The following MSH3 variants were observed in gnomAD, a reference collection of about 807,000 sequenced individuals.
MSH3 encodes DNA mismatch repair protein Msh3.
MSH3 carries 106 observed loss-of-function variants against 123.3 expected under a neutral mutation model. The observed-to-expected ratio is 0.86, with a 90% CI of 0.73 to 1.01. MSH3 has a LOEUF of 1.01. Ranked by LOEUF, MSH3 falls within the 50% of genes least tolerant of loss-of-function variation. The pLI is 0.00. For synonymous variants in MSH3, 515 were observed against 481.4 expected, an observed-to-expected ratio of 1.07 and a Z score of -0.91; for missense variants, 1,459 against 1,347.6, an observed-to-expected ratio of 1.08 and a Z score of -1.29.
Position 80,744,605 on chromosome 5 carries a change from CTTAAA to C in MSH3, c.1758_1762del (p.Leu587GlyfsTer7), listed in dbSNP as rs776738086. The C allele has an allele frequency of 6.2e-7, 1 of 1,610,562 alleles. No homozygotes were observed. Among genetic ancestry groups the C allele is most frequent in the Non-Finnish European group, 8.5e-7 (1 of 1,177,274 alleles). On this transcript the variant is annotated frameshift_variant, in exon 12 of 24. Coordinates refer to ENST00000265081, the MANE Select transcript of MSH3 (RefSeq NM_002439.5). LOFTEE classifies it high-confidence loss of function. Reference sequence around the variant, plus strand: ...AAAGAAGTGGGTGACCCAGCCACTCCTTAAATTAAGGTAAAAGGAATTCTTTTTGG... The same window carrying C: ...AAAGAAGTGGGTGACCCAGCCACTCCTTAAGGTAAAAGGAATTCTTTTTGG...
In MSH3 at chr5:80,725,535, T is replaced by C. The variant is rs752802297; in HGVS notation, c.1423T>C (p.Phe475Leu). The C allele has an allele frequency of 6.2e-7, 1 of 1,613,700 alleles. No individual in the cohort carries two copies. Among genetic ancestry groups the C allele is most frequent in the South Asian group, 1.1e-5 (1 of 91,072 alleles). ...YSHAFQAVTE[F>L]YAKDTVDIKG... Reference sequence around the variant, plus strand: ...CCATGCTTTCCAGGCAGTTACAGAGTTTTATGCAAAAGATACAGTTGACAT... The same window carrying C: ...CCATGCTTTCCAGGCAGTTACAGAGCTTTATGCAAAAGATACAGTTGACAT... The change falls in exon 9 of 24, where the codon TTT (phenylalanine) becomes CTT (leucine). Residue 475 changes from phenylalanine to leucine, a missense_variant. Transcript: ENST00000265081.
intron 7 of MSH3, 67 bp downstream of exon 7, chr5:80,675,195 G>T (rs55976728): frequency 4.8e-5 from 73 of 1,519,672 alleles, no homozygotes; most frequent in South Asian, 4.6e-4. Flanking sequence ...GATCTATCAT[G>T]TATGGTTTAT....
chr5:80,658,035 C>CTTTTTTTTTTTTTT (rs1554066333), intron 2 of MSH3, among the ~76,000 whole-genome samples: 1 of 87,218 alleles, frequency 1.1e-5, no homozygotes, highest in Non-Finnish European at 2.2e-5. Context: ...GCTTTTTGCC[C>CTTTTTTTTTTTTTT]TCTTTTTTTT....
At chr5:80,673,989 T>C (rs1051486937) in intron 6 of MSH3, among the ~76,000 whole-genome samples, 1 of 152,226 alleles carries the variant, frequency 6.6e-6, no homozygotes, top group African/African-American at 2.4e-5. Context: ...TGCTTATTTC[T>C]CAGCTCATCT....
At chr5:80,668,898 C>T (rs373444888) in intron 3 of MSH3, among the ~76,000 whole-genome samples, 5 of 152,164 alleles carry the variant, frequency 3.3e-5, no homozygotes, top group South Asian at 4.1e-4. Context: ...CAGAAGGGGG[C>T]GAGGCTTCTT....
chr5:80,834,173 A>G (rs1290454788), intron 20 of MSH3, among the ~76,000 whole-genome samples: 1 of 152,130 alleles, frequency 6.6e-6, no homozygotes, highest in Non-Finnish European at 1.5e-5. Flanking sequence ...TAGAATTGTA[A>G]TAGAAAATGT....
chr5:80,854,988 A>G (rs191084655), intron 21 of MSH3, among the ~76,000 whole-genome samples: 73 of 152,008 alleles, frequency 4.8e-4, no homozygotes, highest in African/African-American at 1.7e-3. Flanking sequence ...TCACTGTGAG[A>G]TCTTTGATCT....
At chr5:80,728,568 G>A (rs1743344643) in intron 9 of MSH3, among the ~76,000 whole-genome samples, 2 of 152,008 alleles carry the variant, frequency 1.3e-5, no homozygotes, top group Admixed American at 1.3e-4. Context: ...AAGGGGATGG[G>A]CATTTTACAT....
chr5:80,680,950 G>A (rs577088289), intron 8 of MSH3, among the ~76,000 whole-genome samples: 1 of 152,180 alleles, frequency 6.6e-6, no homozygotes, highest in South Asian at 2.1e-4. Context: ...AAATACTCAT[G>A]TGCGTTTCTG....
chr5:80,808,873 A>AGATATATATATAGATATATATATATC (rs1744952217), intron 19 of MSH3, among the ~76,000 whole-genome samples: 1 of 137,044 alleles, frequency 7.3e-6, no homozygotes, highest in East Asian at 2.2e-4. Context: ...ATATATATAT[A>AGATATATATATAGATATATATATATC]TATATATATA....
intron 8 of MSH3, among the ~76,000 whole-genome samples, chr5:80,701,752 T>C (rs1750615264): frequency 6.6e-6 from 1 of 152,224 alleles, no homozygotes. Context: ...GACTTCTTCC[T>C]GTCGAACCTC....
intron 20 of MSH3, among the ~76,000 whole-genome samples, chr5:80,848,840 A>G (rs566174730): frequency 6.6e-6 from 1 of 152,314 alleles, no homozygotes; most frequent in South Asian, 2.1e-4. Flanking sequence ...CAAATCTCGT[A>G]TCTTCACATT....
chr5:80,823,795 A>G (rs1253091769), intron 20 of MSH3, among the ~76,000 whole-genome samples: 1 of 152,158 alleles, frequency 6.6e-6, no homozygotes, highest in Non-Finnish European at 1.5e-5. Context: ...GTCAGCAGAT[A>G]AACAAGTGAA....
At chr5:80,870,343 G>C (rs958829336) in intron 22 of MSH3, among the ~76,000 whole-genome samples, 1 of 152,092 alleles carries the variant, frequency 6.6e-6, no homozygotes, top group African/African-American at 2.4e-5. Flanking sequence ...GATTATATTG[G>C]AGAGCTGGAG....
intron 18 of MSH3, among the ~76,000 whole-genome samples, chr5:80,789,357 C>T (rs1744568753): frequency 6.6e-6 from 1 of 150,518 alleles, no homozygotes; most frequent in South Asian, 2.1e-4. Flanking sequence ...ACTCAGAAGA[C>T]ACTGTAGTCA....
chr5:80,757,931 C>T (rs1335619271), intron 12 of MSH3, among the ~76,000 whole-genome samples: 14 of 152,102 alleles, frequency 9.2e-5, no homozygotes, highest in African/African-American at 3.1e-4. Context: ...TTCTGATCTT[C>T]GTACAGGAGT....
intron 8 of MSH3, among the ~76,000 whole-genome samples, chr5:80,688,389 G>C (rs1199799308): frequency 6.6e-6 from 1 of 152,126 alleles, no homozygotes; most frequent in Non-Finnish European, 1.5e-5. Flanking sequence ...ATCATCTGAG[G>C]TTTAACCAAA....
chr5:80,681,390 A>G (rs910970841), intron 8 of MSH3, among the ~76,000 whole-genome samples: 1 of 152,064 alleles, frequency 6.6e-6, no homozygotes, highest in Non-Finnish European at 1.5e-5. Context: ...GGTGATCAAG[A>G]GCTTTATAAA....
At chr5:80,869,841 T>C (rs6887535) in intron 22 of MSH3, among the ~76,000 whole-genome samples, 5,250 of 132,556 alleles carry the variant, frequency 0.04, 260 homozygotes, top group African/African-American at 0.11. Context: ...TACATATATA[T>C]ACACACACAC....
Sources: allele counts gnomAD v4.1 joint callset (sites outside exome capture counted in the v4.1 genomes callset), GRCh38; gene constraint gnomAD v4.1.1; transcripts MANE v1.5; gene names NCBI Gene and HGNC (gene_info 2026-07-23, HGNC 2026-07-21).